Variants in SNX30 observed in about 807,000 individuals in gnomAD.
SNX30 encodes sorting nexin family member 30.
SNX30 carries 24 observed loss-of-function variants against 46.4 expected under a neutral mutation model. The observed-to-expected ratio is 0.52, with a 90% confidence interval of 0.37 to 0.73. The LOEUF is 0.73. SNX30 is among the 30% of genes least tolerant of loss of function. SNX30 has a pLI of 0.00. For synonymous variants in SNX30, 189 were observed against 211.5 expected (o/e 0.89, Z 0.92); for missense variants, 533 against 555.7 (o/e 0.96, Z 0.41).
intron 1 of SNX30, among the ~76,000 whole-genome samples, chr9:112,804,159 C>T (rs796443894): frequency 7.9e-5 from 12 of 151,910 alleles, no homozygotes; most frequent in African/African-American, 2.7e-4. Flanking sequence ...TTGGCTCCTC[C>T]GCAGAGGTTT....
intron 3 of SNX30, among the ~76,000 whole-genome samples, chr9:112,822,343 T>C (rs1840513921): frequency 6.6e-6 from 1 of 152,160 alleles, no homozygotes; most frequent in Non-Finnish European, 1.5e-5. Flanking sequence ...TGCCAGAAAG[T>C]CTTCATTATG....
chr9:112,761,619 G>C (rs1399585299), intron 1 of SNX30, among the ~76,000 whole-genome samples: 1 of 152,166 alleles, frequency 6.6e-6, no homozygotes, highest in African/African-American at 2.4e-5. Flanking sequence ...ACAGATTTTG[G>C]TGTAGTGGGG....
chr9:112,794,843 A>G (rs1840083454), intron 1 of SNX30, among the ~76,000 whole-genome samples: 1 of 152,196 alleles, frequency 6.6e-6, no homozygotes. Flanking sequence ...GAGTTTGTAA[A>G]GCAACCTCAC....
chr9:112,811,644 A>G (rs571394932), intron 2 of SNX30, among the ~76,000 whole-genome samples: 1 of 152,300 alleles, frequency 6.6e-6, no homozygotes, highest in African/African-American at 2.4e-5. Context: ...GCATAGCAAA[A>G]ATGAGCCTTC....
At chr9:112,772,846 A>G (rs1839673548) in intron 1 of SNX30, among the ~76,000 whole-genome samples, 2 of 152,216 alleles carry the variant, frequency 1.3e-5, no homozygotes, top group Non-Finnish European at 2.9e-5. Context: ...CACATTTCCC[A>G]TTTTAAATTC....
At chr9:112,852,507 T>C (rs1841044732) in intron 7 of SNX30, among the ~76,000 whole-genome samples, 2 of 152,106 alleles carry the variant, frequency 1.3e-5, no homozygotes, top group African/African-American at 4.8e-5. Context: ...CCCCACCAGA[T>C]AGCGAGGCGA....
At chr9:112,840,346 T>C (rs10759588) in intron 6 of SNX30, among the ~76,000 whole-genome samples, 114,829 of 152,170 alleles carry the variant, frequency 0.75, 44,015 homozygotes, top group South Asian at 0.86. Flanking sequence ...TTGTATCACA[T>C]TGACTTTTAT....
intron 6 of SNX30, among the ~76,000 whole-genome samples, chr9:112,848,338 G>T (rs1840971087): frequency 6.6e-6 from 1 of 152,062 alleles, no homozygotes; most frequent in Non-Finnish European, 1.5e-5. Flanking sequence ...TGGGCTGGGG[G>T]CCCATCCTCT....
In SNX30 at chr9:112,751,100, G is replaced by A; in HGVS notation, c.99G>A (p.Val33=). The change falls in exon 1 of 9, where the codon GTG becomes GTA. Residue 33 remains valine (V), a synonymous_variant. Coordinates refer to ENST00000374232, the MANE Select transcript of SNX30 (RefSeq NM_001012994.2). ...CCGGCTCCAGCAGCGAGGAGGCCGT[G>A]GGTGGTGACAGCACGCCCAGCCCGG... ...PLAGSSSEEA[V]GGDSTPSPDL... 6.6e-7 allele frequency: 1 copy of A among 1,520,316 alleles called. No individual in the cohort carries two copies. The highest frequency in any genetic ancestry group is 1.4e-5 in the African/African-American group (1 of 70,964). 94.2% of individuals were successfully genotyped at this position (1,520,316 alleles called of 1,614,324 possible).
At chr9:112,804,635 C>CT in intron 1 of SNX30, 141 bp from the exon 2 acceptor site, 1 of 637,870 alleles carries the variant, frequency 1.6e-6, no homozygotes, top group Non-Finnish European at 2.7e-6. Flanking sequence ...TCAAGAAACA[C>CT]TGAGTAGGGA....
downstream of SNX30, chr9:112,885,418 G>A (rs1392644898): frequency 8.7e-6 from 1 of 115,388 alleles, no homozygotes; most frequent in African/African-American, 3.5e-5. Context: ...CATGTATTCT[G>A]TGTGTGTATA....
Position 112,804,963 on chromosome 9 carries a change from C to G in SNX30, c.344C>G (p.Thr115Ser). ...METYITYRITTKSTRVEFDLP... is the reference protein window; with the variant it reads ...METYITYRITSKSTRVEFDLP... ...ACTTACATCACCTATAGGATCACCA[C>G]CAAAGTAGGTCCCTGTGTTATAGAA... Residue 115 changes from threonine to serine, a missense_variant, in exon 2 of 9, where the codon ACC (threonine) becomes AGC (serine). Physicochemically the swap from Thr to Ser is moderately conservative, Grantham distance 58. Transcript: ENST00000374232. 6.3e-7 allele frequency: 1 copy of G among 1,589,530 alleles called. No homozygotes were observed. Among genetic ancestry groups the G allele is most frequent in the African/African-American group, 1.3e-5 (1 of 74,442 alleles).
chr9:112,785,289 C>T (rs545334809), intron 1 of SNX30, among the ~76,000 whole-genome samples: 35 of 152,110 alleles, frequency 2.3e-4, no homozygotes, highest in African/African-American at 8.2e-4. Context: ...GATCACAGCT[C>T]CCTGCAGCCT....
At chr9:112,863,163 TG>T (rs981081274) in intron 7 of SNX30, among the ~76,000 whole-genome samples, 1 of 152,212 alleles carries the variant, frequency 6.6e-6, no homozygotes, top group African/African-American at 2.4e-5. Context: ...GGCATCATTC[TG>T]GGTCAGCTCC....
chr9:112,770,792 T>TA (rs1839636306), intron 1 of SNX30, among the ~76,000 whole-genome samples: 1 of 152,046 alleles, frequency 6.6e-6, no homozygotes, highest in Non-Finnish European at 1.5e-5. Context: ...GGTCAAGAGA[T>TA]AGAGACCATC....
chr9:112,817,869 T>C (rs917091476), intron 3 of SNX30, 54 bp downstream of exon 3: 10 of 1,195,864 alleles, frequency 8.4e-6, no homozygotes, highest in Non-Finnish European at 1.1e-5. Context: ...TTGTCTTTCC[T>C]GAAGGGGTTC....
intron 1 of SNX30, 44 bp from the exon 2 acceptor site, chr9:112,804,732 A>AGT (rs1397189255): frequency 1.8e-6 from 2 of 1,131,040 alleles, no homozygotes; most frequent in Non-Finnish European, 2.3e-6. Flanking sequence ...GATACTCTCC[A>AGT]GTATGTTTTC....
intron 1 of SNX30, among the ~76,000 whole-genome samples, chr9:112,787,320 G>C (rs1174595493): frequency 6.6e-6 from 1 of 152,206 alleles, no homozygotes; most frequent in African/African-American, 2.4e-5. Flanking sequence ...TGAAGACACT[G>C]TGGAAGGAAG....
chr9:112,777,581 C>G (rs1839766873), intron 1 of SNX30, among the ~76,000 whole-genome samples: 1 of 150,162 alleles, frequency 6.7e-6, no homozygotes, highest in African/African-American at 2.5e-5. Context: ...TGCATACCAC[C>G]ACACCCAGCT....
Sources: gnomAD v4.1 joint callset for allele counts (sites outside exome capture counted in the v4.1 genomes callset) on GRCh38, gnomAD v4.1.1 for gene constraint, MANE v1.5 for transcripts, NCBI Gene and HGNC (gene_info 2026-07-23, HGNC 2026-07-21) for gene names.